Variants in GLI1 observed in about 807,000 individuals in gnomAD.
The protein encoded by GLI1 is GLI family zinc finger 1.
In GLI1, 51 loss-of-function variants were observed where a neutral mutation model predicts 87.8. The ratio of observed to expected loss-of-function variants is 0.58; its 90% CI spans 0.46 to 0.73. The LOEUF (loss-of-function observed/expected upper bound fraction) is 0.73. Ranked by LOEUF, GLI1 falls within the 30% of genes least tolerant of loss-of-function variation. The pLI, the probability that GLI1 is intolerant of heterozygous loss-of-function variation, is 0.00. For synonymous variants in GLI1, 528 were observed against 558.2 expected, an observed-to-expected ratio of 0.95 and a Z score of 0.76; for missense variants, 1,292 against 1,437.2, an observed-to-expected ratio of 0.90 and a Z score of 1.63.
Position 57,468,234 on chromosome 12 carries a change from C to A in GLI1, c.1308+10C>A, listed in dbSNP as rs767199463. 2 of 1,577,042 alleles carry A rather than the reference C, an allele frequency of 1.3e-6. No individual in the cohort carries two copies. The highest frequency in any genetic ancestry group is 1.1e-5 in the South Asian group (1 of 90,182). The stretch of plus-strand genomic sequence containing the variant: ...GCCAGAGGGTGCCATGGTGAGAGAG[C>A]CCAGGCAACCCTCACCTCCATACCC... On this transcript the variant is annotated intron_variant, in intron 10 of 11. Transcript: ENST00000228682.
chr12:57,472,090 C>A lies in GLI1; in HGVS notation c.*29C>A. On this transcript the variant is annotated 3_prime_UTR_variant, in exon 12 of 12. Coordinates refer to ENST00000228682, the MANE Select transcript of GLI1 (RefSeq NM_005269.3). ...GTAGGGAATCTCATCCATCACAGAT[C>A]GCATTTCCTAAGGGGTTTCTATCCT... The A allele has an allele frequency of 7.1e-7, 1 of 1,412,572 alleles. No individual in the cohort carries two copies. The highest frequency in any genetic ancestry group is 9.5e-7 in the Non-Finnish European group (1 of 1,055,002). The allele number at this position is 1,412,572 out of a possible 1,614,324, so 87.5% of individuals were successfully genotyped here. A position where few individuals can be genotyped will look rare whatever the true frequency, so the allele number is the denominator to read the frequency against.
At chr12:57,465,384 G>C (rs1446684614) in intron 5 of GLI1, 129 bp downstream of exon 5, 11 of 875,310 alleles carry the variant, frequency 1.3e-5, no homozygotes, top group Non-Finnish European at 1.8e-5. Context: ...AAGAGGTGTG[G>C]GTGCTGGGGT....
Position 57,470,736 on chromosome 12 carries a change from C to T in GLI1, c.1996C>T (p.Pro666Ser), listed in dbSNP as rs572181120. The change falls in exon 12 of 12, where the codon CCA (proline) becomes TCA (serine). Residue 666 changes from proline to serine, a missense_variant. Coordinates refer to ENST00000228682, the MANE Select transcript of GLI1 (RefSeq NM_005269.3). ...RFKSLGCVHT[P>S]PTVAGGGQNF... Reference sequence around the variant, plus strand: ...CAAGAGCCTGGGCTGTGTCCATACCCCACCCACTGTGGCAGGGGGAGGACA... The same window carrying T: ...CAAGAGCCTGGGCTGTGTCCATACCTCACCCACTGTGGCAGGGGGAGGACA... 3.1e-4 allele frequency: 504 copies of T among 1,613,222 alleles called. 7 individuals carry two copies. The South Asian group carries it at 5.4e-3, about 17-fold the overall frequency.
At position 57,463,984 on chromosome 12, in the gene GLI1, G is replaced by C; in HGVS notation, c.101-15G>C. 1 of 1,592,160 alleles carries C rather than the reference G, an allele frequency of 6.3e-7. No homozygotes were observed. Among genetic ancestry groups the C allele is most frequent in the Admixed American group, 1.7e-5 (1 of 59,990 alleles). On this transcript the variant is annotated splice_polypyrimidine_tract_variant and intron_variant, in intron 2 of 11. Transcript: ENST00000228682. ...TGTATCCTCCATTCCCATTCCAGCT[G>C]TCTCTTTTTTCTAGGACTGTCTGGC...
rs752607845 is a variant in GLI1 at position 57,470,786 on chromosome 12, C to T, written c.2046C>T (p.Thr682=). ...GGQNFDPYLP[T]SVYSPQPPSI... ...AGAACTTTGATCCTTACCTCCCAAC[C>T]TCTGTCTACTCACCACAGCCCCCCA... The change falls in exon 12 of 12, where the codon ACC becomes ACT. Residue 682 remains threonine (T), a synonymous_variant. Coordinates refer to ENST00000228682, the MANE Select transcript of GLI1 (RefSeq NM_005269.3). 6.2e-7 allele frequency: 1 copy of T among 1,613,276 alleles called. No individual in the cohort carries two copies. The highest frequency in any genetic ancestry group is 8.5e-7 in the Non-Finnish European group (1 of 1,179,556).
chr12:57,466,167 G>T (rs1369381435), intron 7 of GLI1, 73 bp from the exon 8 acceptor site: 14 of 1,471,970 alleles, frequency 9.5e-6, no homozygotes, highest in African/African-American at 1.4e-5. Flanking sequence ...GGAACAGGGG[G>T]TGGAGGGAAG....
intron 3 of GLI1, 54 bp from the exon 4 acceptor site, chr12:57,464,614 TAGGTG>T: frequency 8.1e-7 from 1 of 1,234,278 alleles, no homozygotes; most frequent in Non-Finnish European, 1.2e-6. Flanking sequence ...ACCCATAGGT[TAGGTG>T]CATGGAGAGA....
In GLI1 at chr12:57,461,852, A is replaced by G. The variant is rs962779215; in HGVS notation, c.-28+1651A>G. The stretch of plus-strand genomic sequence containing the variant: ...GCGAGGGGGACGCTGGAAAACAGGG[A>G]GACACCGAAGATGGTTTAGGGCTCC... On this transcript the variant is annotated intron_variant, in intron 1 of 11. Transcript: ENST00000228682. 1.1e-4 allele frequency among the ~76,000 whole-genome samples: 16 copies of G among 152,198 alleles called. 1 individual carries two copies. Among genetic ancestry groups the G allele is most frequent in the African/African-American group, 3.6e-4 (15 of 41,448 alleles).
In GLI1 at chr12:57,471,516, C is replaced by T; in HGVS notation, c.2776C>T (p.Gln926Ter). 6.2e-7 allele frequency: 1 copy of T among 1,612,144 alleles called. No individual in the cohort carries two copies. The highest frequency in any genetic ancestry group is 8.5e-7 in the Non-Finnish European group (1 of 1,179,216). ...TGCCCCCGCCCAGGAACCTTCCTAC[C>T]AGAGTCCCAAGTTTCTGGGGGGTTC... The part of the protein sequence containing the change: ...EDAPAQEPSY[Q>*]SPKFLGGSQV... Residue 926 changes from glutamine (Q) to a stop codon, truncating the protein, a stop_gained, in exon 12 of 12, where the codon CAG (glutamine) becomes TAG (stop). Coordinates refer to ENST00000228682, the MANE Select transcript of GLI1 (RefSeq NM_005269.3). LOFTEE classifies it high-confidence loss of function. This position sits in a 1 kb window ranked among gnomAD's most constrained non-coding sequence, Gnocchi z 4.9.
At chr12:57,467,275 C>T in intron 8 of GLI1, 58 bp from the exon 9 acceptor site, 3 of 1,409,864 alleles carry the variant, frequency 2.1e-6, no homozygotes, top group South Asian at 1.3e-5. Context: ...TTGAGGGTTC[C>T]TTCCATCTCC....
At chr12:57,461,786 AG>A (rs1224649393) in intron 1 of GLI1, among the ~76,000 whole-genome samples, 1 of 145,934 alleles carries the variant, frequency 6.9e-6, no homozygotes, top group East Asian at 2.0e-4. Flanking sequence ...GACCGGGAGT[AG>A]GGGGGCGGAG....
chr12:57,465,998 C>A (rs554502031), intron 7 of GLI1, 73 bp downstream of exon 7: 1 of 1,414,808 alleles, frequency 7.1e-7, no homozygotes, highest in Non-Finnish European at 9.9e-7. Context: ...TGGTGGAATC[C>A]GGCTGAGGGC....
Position 57,470,630 on chromosome 12 carries a change from C to T in GLI1, c.1890C>T (p.Asn630=), listed in dbSNP as rs1284034226. 6.2e-7 allele frequency: 1 copy of T among 1,614,030 alleles called. No homozygotes were observed. The highest frequency in any genetic ancestry group is 1.1e-5 in the South Asian group (1 of 91,088). The change falls in exon 12 of 12, where the codon AAC becomes AAT. Residue 630 remains asparagine, a synonymous_variant. Coordinates refer to ENST00000228682, the MANE Select transcript of GLI1 (RefSeq NM_005269.3). ...GCCGAGCCGAGTATCCAGGATACAA[C>T]CCCAATGCAGGGGTCACCCGGAGGG... ...WRSRAEYPGY[N]PNAGVTRRAS... is the part of the protein sequence containing the mutation.
Position 57,471,276 on chromosome 12 carries a change from C to A in GLI1, c.2536C>A (p.Pro846Thr). 1 of 1,594,388 alleles carries A rather than the reference C, an allele frequency of 6.3e-7. No individual in the cohort carries two copies. Among genetic ancestry groups the A allele is most frequent in the Non-Finnish European group, 8.5e-7 (1 of 1,170,274 alleles). The change falls in exon 12 of 12, where the codon CCT becomes ACT. Residue 846 changes from proline to threonine, a missense_variant. Physicochemically the swap from Pro to Thr is conservative, Grantham distance 38 (BLOSUM62 -1). Coordinates refer to ENST00000228682, the MANE Select transcript of GLI1 (RefSeq NM_005269.3). The surrounding 1 kb of genome is among the most constrained non-coding windows in gnomAD (Gnocchi z 4.9). ...CAGTGAGGGGCCCCCACATCCACAG[C>A]CTCTCTTTTCCCATTACCCCCAGCC... ...HPSEGPPHPQ[P>T]LFSHYPQPSP...
At chr12:57,464,456 G>A (rs1013844286) in intron 3 of GLI1, among the ~76,000 whole-genome samples, 3 of 151,634 alleles carry the variant, frequency 2.0e-5, no homozygotes, top group Non-Finnish European at 1.5e-5. Context: ...TGGGAACGCA[G>A]AGGTTGCAGT....
chr12:57,464,731 C>A lies in GLI1; in HGVS notation c.252C>A (p.Ser84=), dbSNP rs1297477990. 6.2e-7 allele frequency: 1 copy of A among 1,613,946 alleles called. No homozygotes were observed. Among genetic ancestry groups the A allele is most frequent in the Non-Finnish European group, 8.5e-7 (1 of 1,179,860 alleles). The change falls in exon 4 of 12, where the codon TCC becomes TCA. Residue 84 remains serine, a synonymous_variant. Coordinates refer to ENST00000228682, the MANE Select transcript of GLI1 (RefSeq NM_005269.3). ...AGTTGACCAAGAAGCGGGCACTGTC[C>A]ATCTCACCTCTGTCGGATGCCAGCC... ...AVKLTKKRAL[S]ISPLSDASLD... is the part of the protein sequence containing the mutation.
rs762773153 is a variant in GLI1, at chr12:57,472,070, G to T, written c.*9G>T. 6.8e-7 allele frequency: 1 copy of T among 1,469,872 alleles called. No homozygotes were observed. Among genetic ancestry groups the T allele is most frequent in the Non-Finnish European group, 9.1e-7 (1 of 1,102,214 alleles). The allele number at this position is 1,469,872 out of a possible 1,614,324, so 91.1% of individuals were successfully genotyped here. ...TCAACTCTAGTGCCTAAAGAGTAGG[G>T]AATCTCATCCATCACAGATCGCATT... On this transcript the variant is annotated 3_prime_UTR_variant, in exon 12 of 12. Transcript: ENST00000228682.
chr12:57,461,436 C>T (rs1871132486), intron 1 of GLI1, among the ~76,000 whole-genome samples: 1 of 151,718 alleles, frequency 6.6e-6, no homozygotes, highest in African/African-American at 2.4e-5. Context: ...TAACCAGCAA[C>T]CTAAGGTGTC....
At position 57,463,975 on chromosome 12, in the gene GLI1, A is replaced by G. The variant is rs764401012; in HGVS notation, c.101-24A>G. 8.3e-6 allele frequency: 13 copies of G among 1,558,526 alleles called. No individual in the cohort carries two copies. In the South Asian group the frequency reaches 1.4e-4, roughly 17 times the overall value. Reference sequence around the variant, plus strand: ...TGAGGTTTATGTATCCTCCATTCCCATTCCAGCTGTCTCTTTTTTCTAGGA... The same window carrying G: ...TGAGGTTTATGTATCCTCCATTCCCGTTCCAGCTGTCTCTTTTTTCTAGGA... On this transcript the variant is annotated intron_variant, in intron 2 of 11. Transcript: ENST00000228682.
Sources: gnomAD v4.1 joint callset for allele counts (sites outside exome capture counted in the v4.1 genomes callset) on GRCh38, gnomAD v4.1.1 for gene constraint, Gnocchi (gnomAD v3.1) non-coding constraint, MANE v1.5 for transcripts, NCBI Gene and HGNC (gene_info 2026-07-23, HGNC 2026-07-21) for gene names.